The following RAB8A variants were observed in gnomAD, a reference collection of about 807,000 sequenced individuals.
The protein encoded by RAB8A is RAB8A, member RAS oncogene family, also known as ras-related protein Rab-8A.
RAB8A carries 5 observed loss-of-function variants against 29.2 expected under a neutral mutation model. The ratio of observed to expected loss-of-function variants is 0.17; its 90% CI spans 0.09 to 0.36. RAB8A has a LOEUF of 0.36. Among genes scored for constraint, RAB8A ranks in the 10% least tolerant of loss-of-function variants. The pLI, the probability that RAB8A is intolerant of heterozygous loss-of-function variation, is 1.00. For missense variants in RAB8A, 171 were observed against 272.2 expected, an observed-to-expected ratio of 0.63 and a Z score of 2.62; for synonymous variants, 108 against 99.9, an observed-to-expected ratio of 1.08 and a Z score of -0.49.
chr19:16,119,812 T>TG (rs2090865552), intron 2 of RAB8A, among the ~76,000 whole-genome samples: 1 of 151,978 alleles, frequency 6.6e-6, no homozygotes, highest in African/African-American at 2.4e-5. Flanking sequence ...GGTTTTTTTT[T>TG]TTGTTTCTTT....
chr19:16,112,068 C>T (rs1388549966), intron 1 of RAB8A, 43 bp downstream of exon 1: 2 of 1,607,206 alleles, frequency 1.2e-6, no homozygotes, highest in South Asian at 1.1e-5. Flanking sequence ...GAGGCCCGGG[C>T]TGGGCGCGCC....
Position 16,122,343 on chromosome 19 carries a change from C to T in RAB8A, c.246+533C>T, listed in dbSNP as rs2090879167. Among the ~76,000 whole-genome samples the T allele has an allele frequency of 6.6e-6, 1 of 152,156 alleles. No homozygotes were observed. Among genetic ancestry groups the T allele is most frequent in the Non-Finnish European group, 1.5e-5 (1 of 68,032 alleles). ...GCCTTAACTAGATGCAGAAGGCGGC[C>T]AGGGATGGGACGAGGTCCTGTGTCA... is the stretch of plus-strand genomic sequence containing the variant. On this transcript the variant is annotated intron_variant, in intron 3 of 7. Transcript: ENST00000300935. The surrounding 1 kb of genome is among the most constrained non-coding windows in gnomAD (Gnocchi z 4.7).
rs949829005 is a variant in RAB8A, at chr19:16,127,452, G to A, written c.340G>A (p.Val114Ile). The A allele has an allele frequency of 1.4e-5, 22 of 1,519,414 alleles. No homozygotes were observed. Among genetic ancestry groups the A allele is most frequent in the Non-Finnish European group, 1.9e-5 (22 of 1,136,670 alleles). The allele number at this position is 1,519,414 out of a possible 1,614,324, so 94.1% of individuals were successfully genotyped here. A position where few individuals can be genotyped will look rare whatever the true frequency, so the allele number is the denominator to read the frequency against. Reference sequence around the variant, plus strand: ...TCCCTCTCAGCACGCCTCTGCAGACGTCGAAAAGATGATACTCGGGAACAA... The same window carrying A: ...TCCCTCTCAGCACGCCTCTGCAGACATCGAAAAGATGATACTCGGGAACAA... Reference protein sequence around the residue: ...RNIEEHASADVEKMILGNKCD... With the variant: ...RNIEEHASADIEKMILGNKCD... The change falls in exon 5 of 8, where the codon GTC (valine) becomes ATC (isoleucine). Residue 114 changes from valine to isoleucine, a missense_variant. By Grantham distance (29) the Val-to-Ile change is conservative. Around this residue, in one of 3 missense-constraint regions of RAB8A, gnomAD observed 145 missense variants for 212.8 expected, o/e 0.68. Coordinates refer to ENST00000300935, the MANE Select transcript of RAB8A (RefSeq NM_005370.5). The surrounding 1 kb of genome is among the most constrained non-coding windows in gnomAD (Gnocchi z 4.8).
chr19:16,132,216 G>A lies in RAB8A; in HGVS notation c.536G>A (p.Gly179Asp). The A allele has an allele frequency of 6.2e-7, 1 of 1,613,326 alleles. No individual in the cohort carries two copies. The change falls in exon 8 of 8, where the codon GGC becomes GAC. Residue 179 changes from glycine (G) to aspartate (D), a missense_variant. Gly to Asp is a moderately conservative substitution (Grantham distance 94, BLOSUM62 -1). Transcript: ENST00000300935. The surrounding 1 kb of genome is among the most constrained non-coding windows in gnomAD (Gnocchi z 5.6). ...GAAAACCTCTTGTGATTTCAGGAAG[G>A]CAACAGCCCCCAGGGGAGCAACCAG... ...IKAKMDKKLE[G>D]NSPQGSNQGV...
rs1379934545 is a variant in RAB8A, at chr19:16,132,392, C to T, written c.*88C>T. 5 of 1,334,232 alleles carry T rather than the reference C, an allele frequency of 3.7e-6. No individual in the cohort carries two copies. The highest frequency in any genetic ancestry group is 5.2e-6 in the Non-Finnish European group (5 of 957,242). The allele number at this position is 1,334,232 out of a possible 1,614,324, so 82.6% of individuals were successfully genotyped here. A position where few individuals can be genotyped will look rare whatever the true frequency, so the allele number is the denominator to read the frequency against. On this transcript the variant is annotated 3_prime_UTR_variant, in exon 8 of 8. Transcript: ENST00000300935. This position sits in a 1 kb window ranked among gnomAD's most constrained non-coding sequence, Gnocchi z 5.6. ...CCTCACTCAGCCGGGGCCCTCCCAC[C>T]TCCAACGCCCCGCCCACGCCGCGGC...
Position 16,125,365 on chromosome 19 carries a change from G to A in RAB8A, c.247-105G>A, listed in dbSNP as rs921262675. Reference sequence around the variant, plus strand: ...AGGGCGGCAGCTAATGGGCCTGGCTGTGCAGTGGGTGCTGGGCTCCCCACC... The same window carrying A: ...AGGGCGGCAGCTAATGGGCCTGGCTATGCAGTGGGTGCTGGGCTCCCCACC... On this transcript the variant is annotated intron_variant, in intron 3 of 7. Coordinates refer to ENST00000300935, the MANE Select transcript of RAB8A (RefSeq NM_005370.5). The surrounding 1 kb of genome is among the most constrained non-coding windows in gnomAD (Gnocchi z 5.0). 2.1e-6 allele frequency: 2 copies of A among 965,412 alleles called. No homozygotes were observed. Among genetic ancestry groups the A allele is most frequent in the Non-Finnish European group, 3.2e-6 (2 of 627,346 alleles). 59.8% of individuals were successfully genotyped at this position (965,412 alleles called of 1,614,324 possible).
chr19:16,127,372 T>G lies in RAB8A; in HGVS notation c.325-65T>G. On this transcript the variant is annotated intron_variant, in intron 4 of 7. Coordinates refer to ENST00000300935, the MANE Select transcript of RAB8A (RefSeq NM_005370.5). This position sits in a 1 kb window ranked among gnomAD's most constrained non-coding sequence, Gnocchi z 4.8. ...CTCTGATTTCTGGGGACAGACTGTG[T>G]GTTGGCAGAGGCACCTGGCCTGTGT... 9.2e-7 allele frequency: 1 copy of G among 1,087,204 alleles called. No individual in the cohort carries two copies. The highest frequency in any genetic ancestry group is 1.6e-5 in the African/African-American group (1 of 62,172). The allele number at this position is 1,087,204 out of a possible 1,614,324, so 67.3% of individuals were successfully genotyped here. A position where few individuals can be genotyped will look rare whatever the true frequency, so the allele number is the denominator to read the frequency against.
intron 2 of RAB8A, among the ~76,000 whole-genome samples, chr19:16,119,518 C>T (rs556509524): frequency 6.6e-6 from 1 of 151,906 alleles, no homozygotes; most frequent in South Asian, 2.1e-4. Flanking sequence ...CTGTTCACCT[C>T]TTAATCTGAC....
intron 7 of RAB8A, among the ~76,000 whole-genome samples, chr19:16,131,081 C>T (rs1007205821): frequency 1.3e-5 from 2 of 152,124 alleles, no homozygotes; most frequent in Non-Finnish European, 2.9e-5. Context: ...GCCTCGGCCT[C>T]CCAAAGTGTT....
chr19:16,128,140 C>CT, intron 6 of RAB8A, 49 bp downstream of exon 6: 1 of 1,594,082 alleles, frequency 6.3e-7, no homozygotes, highest in Non-Finnish European at 8.6e-7. Context: ...GGATCGGCCC[C>CT]TTCAGGCTAA....
In RAB8A at chr19:16,125,235, A is replaced by G; in HGVS notation, c.247-235A>G. On this transcript the variant is annotated intron_variant, in intron 3 of 7. Transcript: ENST00000300935. The surrounding 1 kb of genome is among the most constrained non-coding windows in gnomAD (Gnocchi z 5.0). ...GCCTGTGAGGCAGAAGGGTCACCTC[A>G]GCGGCCCGGGGGGCAGGACAAGGCT... The G allele has an allele frequency of 1.7e-6, 1 of 581,114 alleles. No individual in the cohort carries two copies. Among genetic ancestry groups the G allele is most frequent in the Non-Finnish European group, 3.1e-6 (1 of 324,532 alleles). The allele number at this position is 581,114 out of a possible 1,614,324, so 36.0% of individuals were successfully genotyped here. A position where few individuals can be genotyped will look rare whatever the true frequency, so the allele number is the denominator to read the frequency against.
At chr19:16,119,551 C>T (rs2144987478) in intron 2 of RAB8A, among the ~76,000 whole-genome samples, 1 of 152,178 alleles carries the variant, frequency 6.6e-6, no homozygotes. Context: ...GTAGGTTTAA[C>T]TTGCAGTTCA....
Position 16,125,023 on chromosome 19 carries a change from T to G in RAB8A, c.247-447T>G. 1 of 228,282 alleles carries G rather than the reference T, an allele frequency of 4.4e-6. No individual in the cohort carries two copies. Among genetic ancestry groups the G allele is most frequent in the Non-Finnish European group, 9.1e-6 (1 of 110,470 alleles). 14.1% of individuals were successfully genotyped at this position (228,282 alleles called of 1,614,324 possible). A position where few individuals can be genotyped will look rare whatever the true frequency, so the allele number is the denominator to read the frequency against. On this transcript the variant is annotated intron_variant, in intron 3 of 7. Transcript: ENST00000300935. The surrounding 1 kb of genome is among the most constrained non-coding windows in gnomAD (Gnocchi z 5.0). ...ACTTCCTGGGCTCAGTTGTGCCTGG[T>G]AGGTGGCTCAGGCAGAGCGTGGGGT...
rs892395903 is a variant in RAB8A at position 16,122,670 on chromosome 19, C to T, written c.246+860C>T. Among the ~76,000 whole-genome samples, 4 of 152,136 alleles carry T rather than the reference C, an allele frequency of 2.6e-5. No homozygotes were observed. Among genetic ancestry groups the T allele is most frequent in the African/African-American group, 4.8e-5 (2 of 41,434 alleles). On this transcript the variant is annotated intron_variant, in intron 3 of 7. Transcript: ENST00000300935. This position sits in a 1 kb window ranked among gnomAD's most constrained non-coding sequence, Gnocchi z 4.7. ...CTGGTCCCTGCCATCTGCCTGGCCC[C>T]GGGGAACCTGCTGGGTCTGCAGTAG...
chr19:16,124,963 G>A lies in RAB8A; in HGVS notation c.247-507G>A, dbSNP rs1216877814. The stretch of plus-strand genomic sequence containing the variant: ...TCACACAGCCGGTTCCCTCTGTGGT[G>A]GGGTCACTGGAAGTTGTGTGGATGT... On this transcript the variant is annotated intron_variant, in intron 3 of 7. Transcript: ENST00000300935. 1.5e-5 allele frequency: 3 copies of A among 201,036 alleles called. No homozygotes were observed. In the Admixed American group the frequency reaches 1.6e-4, roughly 11 times the overall value. The allele number at this position is 201,036 out of a possible 1,614,324, so 12.5% of individuals were successfully genotyped here. A position where few individuals can be genotyped will look rare whatever the true frequency, so the allele number is the denominator to read the frequency against.
intron 7 of RAB8A, among the ~76,000 whole-genome samples, chr19:16,131,817 A>G (rs1351918435): frequency 1.4e-5 from 2 of 147,360 alleles, no homozygotes; most frequent in African/African-American, 2.5e-5. Flanking sequence ...GGAATGGGTG[A>G]GTGGATGGAT....
chr19:16,128,595 A>G (rs575947570), intron 6 of RAB8A, among the ~76,000 whole-genome samples: 1 of 152,142 alleles, frequency 6.6e-6, no homozygotes, highest in African/African-American at 2.4e-5. Context: ...GATCTTCCAT[A>G]TCACTCCCGA....
chr19:16,114,060 T>C (rs1484437072), intron 1 of RAB8A, among the ~76,000 whole-genome samples: 1 of 152,068 alleles, frequency 6.6e-6, no homozygotes, highest in Non-Finnish European at 1.5e-5. Context: ...AATCAAGAAG[T>C]GGCGTTAATT....
Position 16,122,577 on chromosome 19 carries a change from C to G in RAB8A, c.246+767C>G, listed in dbSNP as rs1306125646. 6.6e-6 allele frequency among the ~76,000 whole-genome samples: 1 copy of G among 152,210 alleles called. No homozygotes were observed. Among genetic ancestry groups the G allele is most frequent in the Admixed American group, 6.5e-5 (1 of 15,282 alleles). ...AGGTCCCTCTGCTCCCCACTCTTTC[C>G]TCCGCATACCCCATCATTTAATTGC... On this transcript the variant is annotated intron_variant, in intron 3 of 7. Transcript: ENST00000300935. The surrounding 1 kb of genome is among the most constrained non-coding windows in gnomAD (Gnocchi z 4.7).
Sources: gnomAD v4.1 joint callset for allele counts (sites outside exome capture counted in the v4.1 genomes callset) on GRCh38, gnomAD v4.1.1 for gene constraint, gnomAD v4.1.1 regional missense constraint, Gnocchi (gnomAD v3.1) non-coding constraint, MANE v1.5 for transcripts, NCBI Gene and HGNC (gene_info 2026-07-23, HGNC 2026-07-21) for gene names.